Variants in IL1RAPL2 observed in about 807,000 individuals in gnomAD.
IL1RAPL2 encodes the protein X-linked interleukin-1 receptor accessory protein-like 2.
In IL1RAPL2, 3 loss-of-function variants were observed where a neutral mutation model predicts 44.1. The observed-to-expected ratio is 0.07, with a 90% CI of 0.03 to 0.18. IL1RAPL2 has a LOEUF of 0.18. Ranked by LOEUF, IL1RAPL2 falls within the 10% of genes least tolerant of loss-of-function variation. The pLI, the probability that IL1RAPL2 is intolerant of heterozygous loss-of-function variation, is 1.00. For synonymous variants in IL1RAPL2, 181 were observed against 178.8 expected, an observed-to-expected ratio of 1.01 and a Z score of -0.10; for missense variants, 391 against 496.4, an observed-to-expected ratio of 0.79 and a Z score of 2.02.
intron 2 of IL1RAPL2, among the ~76,000 whole-genome samples, chrX:105,017,280 G>T (rs1225943676): frequency 1.8e-5 from 2 of 111,007 alleles, no homozygotes; most frequent in Non-Finnish European, 3.8e-5. Context: ...TTTTTGGAAA[G>T]ATTTTTGTGT....
intron 6 of IL1RAPL2, among the ~76,000 whole-genome samples, chrX:105,572,664 G>A (rs765602161): frequency 2.0e-5 from 2 of 98,900 alleles, no homozygotes; most frequent in Non-Finnish European, 4.2e-5. Context: ...CTTTGTTTTT[G>A]TAAATAAAGT....
At chrX:104,963,810 A>T (rs1321402733) in intron 2 of IL1RAPL2, among the ~76,000 whole-genome samples, 4 of 111,440 alleles carry the variant, frequency 3.6e-5, no homozygotes, top group African/African-American at 1.3e-4. Flanking sequence ...CTATAAGATT[A>T]AAAAAATAAG....
intron 5 of IL1RAPL2, among the ~76,000 whole-genome samples, chrX:105,393,681 A>T (rs1263632336): frequency 8.9e-6 from 1 of 111,949 alleles, no homozygotes; most frequent in East Asian, 2.8e-4. Context: ...AAACTATGTC[A>T]TATTTCTCTT....
At chrX:105,139,173 A>G (rs1435800205) in intron 2 of IL1RAPL2, among the ~76,000 whole-genome samples, 1 of 112,038 alleles carries the variant, frequency 8.9e-6, no homozygotes, top group Non-Finnish European at 1.9e-5. Context: ...GAAAGATTTT[A>G]TGGAAGACAT....
At chrX:104,658,805 G>C in intron 1 of IL1RAPL2, 90 bp from the exon 2 acceptor site, 1 of 565,253 alleles carries the variant, frequency 1.8e-6, no homozygotes, top group East Asian at 3.4e-5. Context: ...TTCTCTAATG[G>C]AGTTTTGAAA....
intron 2 of IL1RAPL2, among the ~76,000 whole-genome samples, chrX:104,916,780 G>A (rs140320473): frequency 6.2e-4 from 69 of 110,956 alleles, no homozygotes; most frequent in African/African-American, 2.2e-3. Flanking sequence ...TAGCATGAAG[G>A]GTTGTTGAAT....
intron 2 of IL1RAPL2, among the ~76,000 whole-genome samples, chrX:104,830,640 G>C (rs976402413): frequency 9.0e-6 from 1 of 111,620 alleles, no homozygotes; most frequent in Non-Finnish European, 1.9e-5. Flanking sequence ...TTACAGTGTA[G>C]AGTCAGAAAG....
chrX:105,385,631 T>C (rs775682309), intron 5 of IL1RAPL2, among the ~76,000 whole-genome samples: 34 of 111,421 alleles, frequency 3.1e-4, no homozygotes, highest in Admixed American at 5.8e-4. Flanking sequence ...GGCAACAACA[T>C]TTACTAAATC....
chrX:105,112,597 G>A (rs1266216362), intron 2 of IL1RAPL2, among the ~76,000 whole-genome samples: 2 of 112,641 alleles, frequency 1.8e-5, no homozygotes, highest in Non-Finnish European at 3.8e-5. Context: ...TGTAAGGTGT[G>A]TGGTCTATTA....
intron 2 of IL1RAPL2, among the ~76,000 whole-genome samples, chrX:104,931,744 T>C (rs1179502046): frequency 9.0e-6 from 1 of 110,642 alleles, no homozygotes; most frequent in African/African-American, 3.3e-5. Context: ...TAAAAGAACT[T>C]TTTTATTATT....
At chrX:105,682,785 G>GA (rs2037936222) in intron 6 of IL1RAPL2, among the ~76,000 whole-genome samples, 1 of 112,000 alleles carries the variant, frequency 8.9e-6, no homozygotes, top group South Asian at 3.7e-4. Context: ...CTAGATGAAG[G>GA]AAAAAATCTT....
chrX:105,263,105 G>A (rs769167157), intron 4 of IL1RAPL2, among the ~76,000 whole-genome samples: 34 of 110,044 alleles, frequency 3.1e-4, no homozygotes, highest in Admixed American at 5.9e-4. Context: ...GGCTGGTCTC[G>A]AACTCCTGAC....
intron 2 of IL1RAPL2, among the ~76,000 whole-genome samples, chrX:105,020,105 C>A (rs909265049): frequency 2.7e-5 from 3 of 110,849 alleles, no homozygotes; most frequent in African/African-American, 6.6e-5. Flanking sequence ...TCCTGAGCAG[C>A]TAGAACTGCA....
At chrX:104,723,443 G>A (rs748619111) in intron 2 of IL1RAPL2, among the ~76,000 whole-genome samples, 1 of 110,420 alleles carries the variant, frequency 9.1e-6, no homozygotes, top group Admixed American at 9.7e-5. Context: ...AAAAAAGACT[G>A]TAACTGCCAG....
At chrX:105,099,043 G>A (rs1187909818) in intron 2 of IL1RAPL2, among the ~76,000 whole-genome samples, 1 of 112,244 alleles carries the variant, frequency 8.9e-6, no homozygotes, top group Non-Finnish European at 1.9e-5. Flanking sequence ...CAAACATTTG[G>A]TGAGCAAATA....
chrX:104,930,963 G>A (rs972109575), intron 2 of IL1RAPL2, among the ~76,000 whole-genome samples: 2 of 111,174 alleles, frequency 1.8e-5, no homozygotes, highest in African/African-American at 6.5e-5. Context: ...ATGCCATACT[G>A]TACCAATAAA....
chrX:105,508,499 C>T (rs898821441), intron 6 of IL1RAPL2, among the ~76,000 whole-genome samples: 1 of 110,151 alleles, frequency 9.1e-6, no homozygotes, highest in Non-Finnish European at 1.9e-5. Flanking sequence ...CTCCATACTG[C>T]TACTTGAATA....
At chrX:105,711,119 C>T (rs747658436) in intron 6 of IL1RAPL2, among the ~76,000 whole-genome samples, 1 of 109,883 alleles carries the variant, frequency 9.1e-6, no homozygotes, top group South Asian at 3.9e-4. Context: ...TCAGCTTTTT[C>T]CTTCTTAACA....
chrX:104,581,377 CA>C (rs1424904100), intron 1 of IL1RAPL2, among the ~76,000 whole-genome samples: 3 of 111,962 alleles, frequency 2.7e-5, no homozygotes, highest in African/African-American at 9.7e-5. Flanking sequence ...TAAAACTGAG[CA>C]GAATTAGATT....
Sources: allele counts gnomAD v4.1 joint callset (sites outside exome capture counted in the v4.1 genomes callset), GRCh38; gene constraint gnomAD v4.1.1; transcripts MANE v1.5; gene names NCBI Gene and HGNC (gene_info 2026-07-23, HGNC 2026-07-21).